The following PCGF3 variants were observed in gnomAD, a reference collection of about 807,000 sequenced individuals.
PCGF3 encodes polycomb group ring finger 3, also known as polycomb group RING finger protein 3.
PCGF3 carries 7 observed loss-of-function variants against 33.1 expected under a neutral mutation model. That is an observed-to-expected ratio of 0.21 (90% confidence interval 0.12 to 0.40). The LOEUF (loss-of-function observed/expected upper bound fraction) is 0.40. PCGF3 is among the 10% of genes least tolerant of loss of function. The probability of loss-of-function intolerance (pLI) is 1.00; values close to 1 mark genes in which losing one functional copy is unlikely to be tolerated. For missense variants in PCGF3, 211 were observed against 313.3 expected (o/e 0.67, Z 2.46); for synonymous variants, 153 against 121.3 (o/e 1.26, Z -1.72).
At chr4:733,900 G>A in intron 4 of PCGF3, 111 bp downstream of exon 4, 1 of 1,586,230 alleles carries the variant, frequency 6.3e-7, no homozygotes, top group Non-Finnish European at 8.6e-7. Flanking sequence ...CCCGACAAAA[G>A]CAGGAACCAG....
intron 3 of PCGF3, among the ~76,000 whole-genome samples, chr4:732,242 T>TC (rs1408540586): frequency 5.2e-5 from 7 of 135,566 alleles, no homozygotes; most frequent in African/African-American, 1.9e-4. Flanking sequence ...AGGGTGGGGC[T>TC]CCCCCTCCCC....
At chr4:734,411 G>A (rs1331247341) in intron 4 of PCGF3, 11 of 1,364,476 alleles carry the variant, frequency 8.1e-6, no homozygotes, top group South Asian at 4.2e-5. Flanking sequence ...TGAAGTGTAC[G>A]CTTATAATAC....
chr4:743,389 A>G (rs760008400), intron 6 of PCGF3, 85 bp from the exon 7 acceptor site: 112 of 774,670 alleles, frequency 1.4e-4, no homozygotes, highest in Admixed American at 1.2e-3. Context: ...CAAATCCCTA[A>G]TTTTCTTTAT....
intron 6 of PCGF3, among the ~76,000 whole-genome samples, chr4:739,802 G>T (rs976766359): frequency 2.6e-5 from 4 of 152,234 alleles, no homozygotes; most frequent in Non-Finnish European, 5.9e-5. Context: ...GCTCTTGTCC[G>T]GTGTGGACGC....
chr4:764,628 T>G (rs1172491066), intron 9 of PCGF3: 2 of 210,350 alleles, frequency 9.5e-6, no homozygotes, highest in Non-Finnish European at 1.9e-5. Flanking sequence ...AGAAAAAGGG[T>G]TCAGGGCAGC....
intron 9 of PCGF3, among the ~76,000 whole-genome samples, chr4:763,628 G>A (rs1016763525): frequency 2.0e-5 from 3 of 152,210 alleles, no homozygotes; most frequent in Admixed American, 6.5e-5. Context: ...AGTGGAACCC[G>A]CAGGCCCTGT....
chr4:741,908 T>G (rs984872135), intron 6 of PCGF3, among the ~76,000 whole-genome samples: 1 of 152,220 alleles, frequency 6.6e-6, no homozygotes, highest in Admixed American at 6.5e-5. Flanking sequence ...TCACGGCTCT[T>G]CTGCAGACTG....
intron 1 of PCGF3, among the ~76,000 whole-genome samples, chr4:712,394 T>C (rs562316241): frequency 2.7e-5 from 4 of 149,834 alleles, no homozygotes; most frequent in Admixed American, 6.6e-5. Flanking sequence ...ATTGACTTGC[T>C]TTTTTTTAAG....
intron 8 of PCGF3, among the ~76,000 whole-genome samples, chr4:753,690 G>A (rs1441855908): frequency 1.3e-5 from 2 of 151,622 alleles, no homozygotes; most frequent in Non-Finnish European, 2.9e-5. Flanking sequence ...GCTCACGCCT[G>A]TAATCCCAGT....
chr4:753,164 G>A (rs1380721316), intron 8 of PCGF3, among the ~76,000 whole-genome samples: 2 of 152,254 alleles, frequency 1.3e-5, no homozygotes, highest in Non-Finnish European at 2.9e-5. Context: ...AAATGGCAAG[G>A]AAGTTAGAAC....
At chr4:742,743 C>A (rs1282369564) in intron 6 of PCGF3, among the ~76,000 whole-genome samples, 1 of 152,326 alleles carries the variant, frequency 6.6e-6, no homozygotes, top group South Asian at 2.1e-4. Flanking sequence ...ATGCTGCGGC[C>A]CGTCTGCCGC....
intron 1 of PCGF3, among the ~76,000 whole-genome samples, chr4:715,236 C>G (rs1742761539): frequency 7.8e-6 from 1 of 128,484 alleles, no homozygotes; most frequent in Admixed American, 8.0e-5. Flanking sequence ...CCTGTAGACA[C>G]TGAGTGTGAG....
At chr4:743,556 A>C in exon 7 of PCGF3, 3 of 1,611,104 alleles carry the variant, frequency 1.9e-6, no homozygotes, top group South Asian at 1.1e-5. Flanking sequence ...CCTGCTCTGC[A>C]AAACAGCACT....
At chr4:753,114 C>A (rs1744599676) in intron 8 of PCGF3, among the ~76,000 whole-genome samples, 1 of 152,250 alleles carries the variant, frequency 6.6e-6, no homozygotes, top group Non-Finnish European at 1.5e-5. Context: ...CAGGAGAGGG[C>A]ATGGGCACCT....
At chr4:735,053 A>G (rs367684634) in intron 5 of PCGF3, 26 bp downstream of exon 5, 74 of 1,605,438 alleles carry the variant, frequency 4.6e-5, no homozygotes, top group Non-Finnish European at 5.9e-5. Context: ...CCCAGGCCAC[A>G]GTACGTGGGG....
At chr4:736,004 G>A (rs1743806153) in intron 5 of PCGF3, among the ~76,000 whole-genome samples, 1 of 152,224 alleles carries the variant, frequency 6.6e-6, no homozygotes, top group African/African-American at 2.4e-5. Context: ...AAGGAGGAAA[G>A]GCAGATGTGT....
At chr4:734,493 G>T in intron 4 of PCGF3, 3 of 1,222,958 alleles carry the variant, frequency 2.5e-6, no homozygotes, top group South Asian at 3.1e-5. Context: ...TGACTTTAAC[G>T]TTAATCGTAT....
chr4:752,291 C>T (rs1744552458), intron 8 of PCGF3, among the ~76,000 whole-genome samples: 1 of 152,238 alleles, frequency 6.6e-6, no homozygotes, highest in Non-Finnish European at 1.5e-5. Flanking sequence ...CTGTGTGACC[C>T]CATTCCTTTC....
intron 9 of PCGF3, among the ~76,000 whole-genome samples, chr4:763,810 C>T (rs62294074): frequency 1.3e-5 from 2 of 152,306 alleles, no homozygotes; most frequent in East Asian, 1.9e-4. Context: ...GACCAAGATG[C>T]CCTTCAGTAG....
Sources: gnomAD v4.1 joint callset for allele counts (sites outside exome capture counted in the v4.1 genomes callset) on GRCh38, gnomAD v4.1.1 for gene constraint, MANE v1.5 for transcripts, NCBI Gene and HGNC (gene_info 2026-07-23, HGNC 2026-07-21) for gene names.